The following DNAJC13 variants were observed in gnomAD, a reference collection of about 807,000 sequenced individuals.
DNAJC13 encodes DnaJ heat shock protein family (Hsp40) member C13.
In DNAJC13, 75 loss-of-function variants were observed where a neutral mutation model predicts 290.5. The ratio of observed to expected loss-of-function variants is 0.26; its 90% CI spans 0.21 to 0.31. The LOEUF is 0.31. DNAJC13 is among the 10% of genes least tolerant of loss of function. The pLI, the probability that DNAJC13 is intolerant of heterozygous loss-of-function variation, is 1.00. For synonymous variants in DNAJC13, 862 were observed against 892.0 expected (o/e 0.97, Z 0.60); for missense variants, 2,260 against 2,674.5 (o/e 0.85, Z 3.42).
intron 29 of DNAJC13, among the ~76,000 whole-genome samples, chr3:132,487,499 G>T (rs1282710755): frequency 6.8e-6 from 1 of 146,704 alleles, no homozygotes; most frequent in African/African-American, 2.6e-5. Context: ...CTTGTGATCC[G>T]CCCACCTCAG....
intron 25 of DNAJC13, 69 bp from the exon 26 acceptor site, chr3:132,480,300 G>A: frequency 9.8e-7 from 1 of 1,017,770 alleles, no homozygotes; most frequent in Non-Finnish European, 1.5e-6. Flanking sequence ...ATTGGGAAAG[G>A]TACTATTGGG....
At position 132,492,416 on chromosome 3, in the gene DNAJC13, G is replaced by T; in HGVS notation, c.3626G>T (p.Arg1209Leu). 1 of 1,613,548 alleles carries T rather than the reference G, an allele frequency of 6.2e-7. No individual in the cohort carries two copies. Among genetic ancestry groups the T allele is most frequent in the Non-Finnish European group, 8.5e-7 (1 of 1,179,732 alleles). The change falls in exon 33 of 56, where the codon CGC becomes CTC. Residue 1209 changes from arginine (R) to leucine (L), a missense_variant and splice_region_variant. By Grantham distance (102) the Arg-to-Leu change is moderately radical. This residue lies in a region of DNAJC13 where 1,494 missense variants were observed against 1,693.7 expected (regional missense o/e 0.88). Transcript: ENST00000260818. The stretch of plus-strand genomic sequence containing the variant: ...AATGGAGGTTTTTATGATTGTAGGC[G>T]CCTGATGATAGAGAAGATTGCTGCC... ...PEAIWSSEMR[R>L]LMIEKIAAHL...
At chr3:132,435,377 G>A (rs141975770) in intron 2 of DNAJC13, among the ~76,000 whole-genome samples, 47 of 152,236 alleles carry the variant, frequency 3.1e-4, no homozygotes, top group South Asian at 1.2e-3. Context: ...ATTCTGAATC[G>A]TGCCACAAGG....
chr3:132,518,603 C>G (rs62293979), intron 48 of DNAJC13, among the ~76,000 whole-genome samples: 14,141 of 152,182 alleles, frequency 0.093, 819 homozygotes, highest in South Asian at 0.14. Context: ...GTGATCCACC[C>G]GCCTTGGCCT....
intron 1 of DNAJC13, among the ~76,000 whole-genome samples, chr3:132,431,083 A>G (rs2107646276): frequency 6.6e-6 from 1 of 152,334 alleles, no homozygotes; most frequent in African/African-American, 2.4e-5. Context: ...AGGTTTGACA[A>G]AACCCTATTT....
At chr3:132,490,212 G>A (rs16839302) in intron 31 of DNAJC13, among the ~76,000 whole-genome samples, 7,875 of 152,100 alleles carry the variant, frequency 0.052, 408 homozygotes, top group African/African-American at 0.14. Context: ...TCGTCTCTTT[G>A]TTTTATCCTA....
chr3:132,445,704 T>C (rs1332787786), intron 2 of DNAJC13, among the ~76,000 whole-genome samples: 2 of 152,146 alleles, frequency 1.3e-5, no homozygotes, highest in African/African-American at 2.4e-5. Context: ...AAAAAACTTT[T>C]GGTTGTGTGA....
At chr3:132,478,287 C>G in intron 24 of DNAJC13, 147 bp downstream of exon 24, 1 of 680,446 alleles carries the variant, frequency 1.5e-6, no homozygotes, top group South Asian at 2.8e-5. Context: ...TTATTTAAAT[C>G]TGAGTTAGAT....
At chr3:132,518,860 C>T (rs996917946) in intron 48 of DNAJC13, among the ~76,000 whole-genome samples, 1 of 152,188 alleles carries the variant, frequency 6.6e-6, no homozygotes, top group African/African-American at 2.4e-5. Flanking sequence ...TTCTTCCTTT[C>T]CCCTAGCACC....
chr3:132,485,614 G>T (rs1934842509), intron 29 of DNAJC13, among the ~76,000 whole-genome samples: 1 of 152,154 alleles, frequency 6.6e-6, no homozygotes, highest in Non-Finnish European at 1.5e-5. Flanking sequence ...TGTTGATGTT[G>T]TTAAGACTAC....
At chr3:132,466,903 C>A (rs1048013309) in intron 19 of DNAJC13, among the ~76,000 whole-genome samples, 6 of 152,228 alleles carry the variant, frequency 3.9e-5, no homozygotes, top group Middle Eastern at 3.4e-3. Flanking sequence ...TACGTGTATT[C>A]TTTTTCTGTC....
intron 28 of DNAJC13, 89 bp from the exon 29 acceptor site, chr3:132,484,499 C>A: frequency 1.7e-6 from 2 of 1,201,472 alleles, no homozygotes; most frequent in Non-Finnish European, 2.4e-6. Context: ...GTAAGGTAAC[C>A]TGCTTCATGC....
rs1934705737 is a variant in DNAJC13 at position 132,482,334 on chromosome 3, T to C, written c.2979+4T>C. On this transcript the variant is annotated splice_donor_region_variant and intron_variant, in intron 27 of 55. Transcript: ENST00000260818. Reference sequence around the variant, plus strand: ...TGGCCCGTATGGATTTCATGAGGTATGTATCTTGGAGATACTTTTGGTGAA... The same window carrying C: ...TGGCCCGTATGGATTTCATGAGGTACGTATCTTGGAGATACTTTTGGTGAA... 2 of 1,610,862 alleles carry C rather than the reference T, an allele frequency of 1.2e-6. No homozygotes were observed. Among genetic ancestry groups the C allele is most frequent in the Non-Finnish European group, 1.7e-6 (2 of 1,177,610 alleles).
In DNAJC13 at chr3:132,453,408, G is replaced by T. The variant is rs535617563; in HGVS notation, c.648G>T (p.Glu216Asp). ...TCAGGAAAGAGCCTTTAGAATTCGA[G>T]CAATATTTGAATCTTCGCTTTGGAA... The part of the protein sequence containing the change: ...LRIRKEPLEF[E>D]QYLNLRFGKY... The change falls in exon 7 of 56, where the codon GAG becomes GAT. Residue 216 changes from glutamate (E) to aspartate (D), a missense_variant. Transcript: ENST00000260818. 20 of 1,613,916 alleles carry T rather than the reference G, an allele frequency of 1.2e-5. No individual in the cohort carries two copies. In the South Asian group the frequency reaches 1.9e-4, roughly 15 times the overall value.
chr3:132,492,586 C>G lies in DNAJC13; in HGVS notation c.3796C>G (p.Arg1266Gly). 3 of 1,613,586 alleles carry G rather than the reference C, an allele frequency of 1.9e-6. No individual in the cohort carries two copies. Among genetic ancestry groups the G allele is most frequent in the Non-Finnish European group, 2.5e-6 (3 of 1,179,702 alleles). The change falls in exon 33 of 56, where the codon CGG (arginine) becomes GGG (glycine). Residue 1266 changes from arginine (R) to glycine (G), a missense_variant. Physicochemically the swap from Arg to Gly is moderately radical, Grantham distance 125. Coordinates refer to ENST00000260818, the MANE Select transcript of DNAJC13 (RefSeq NM_015268.4). ...CCTCAAACAACTGTGTGATACACTC[C>G]GGTTTCCAGATTGGCCAATTAAAGA... is the stretch of plus-strand genomic sequence containing the variant. ...YYLKQLCDTL[R>G]FPDWPIKDPV...
rs566618047 is a variant in DNAJC13, at chr3:132,496,245, C to T, written c.4021-283C>T. Among the ~76,000 whole-genome samples, 7 of 152,188 alleles carry T rather than the reference C, an allele frequency of 4.6e-5. No individual in the cohort carries two copies. The South Asian group carries it at 1.5e-3, about 32-fold the overall frequency. ...ATAATTTTTGTTATATAGACGCAAA[C>T]TCTCTCTAGTATGTATGAGTTTAAC... On this transcript the variant is annotated intron_variant, in intron 35 of 55. Transcript: ENST00000260818.
intron 2 of DNAJC13, among the ~76,000 whole-genome samples, chr3:132,441,944 C>T (rs1224929091): frequency 6.6e-6 from 1 of 151,524 alleles, no homozygotes; most frequent in Admixed American, 6.6e-5. Context: ...GAACCCAGCA[C>T]AGTGTCAGAT....
At chr3:132,423,814 G>T (rs1017061519) in intron 1 of DNAJC13, among the ~76,000 whole-genome samples, 1 of 152,176 alleles carries the variant, frequency 6.6e-6, no homozygotes, top group African/African-American at 2.4e-5. Flanking sequence ...TCTTCAAGTT[G>T]TATGTGTTAA....
intron 33 of DNAJC13, 151 bp from the exon 34 acceptor site, chr3:132,493,993 G>C: frequency 1.7e-6 from 1 of 605,214 alleles, no homozygotes; most frequent in Non-Finnish European, 2.9e-6. Flanking sequence ...GCAGTGCTCA[G>C]GTGATTTTGG....
Sources: gnomAD v4.1 joint callset for allele counts (sites outside exome capture counted in the v4.1 genomes callset) on GRCh38, gnomAD v4.1.1 for gene constraint, gnomAD v4.1.1 regional missense constraint, MANE v1.5 for transcripts, NCBI Gene and HGNC (gene_info 2026-07-23, HGNC 2026-07-21) for gene names.